The following ZMAT1 variants were observed in gnomAD, a reference collection of about 807,000 sequenced individuals.
ZMAT1 encodes the protein zinc finger matrin-type 1.
A neutral mutation model predicts 18.5 loss-of-function variants in ZMAT1; 11 were observed. The ratio of observed to expected loss-of-function variants is 0.59; its 90% CI spans 0.37 to 0.98. The LOEUF is 0.98. ZMAT1 is among the 50% of genes least tolerant of loss of function. ZMAT1 has a pLI of 0.01. For missense variants in ZMAT1, 525 were observed against 496.2 expected (o/e 1.06, Z -0.55); for synonymous variants, 211 against 176.4 (o/e 1.20, Z -1.55).
At chrX:101,902,672 C>T (rs758852989) in intron 2 of ZMAT1, among the ~76,000 whole-genome samples, 8 of 111,306 alleles carry the variant, frequency 7.2e-5, no homozygotes, top group Non-Finnish European at 1.5e-4. Flanking sequence ...TGTTGTCACC[C>T]TCCATACACG....
intron 2 of ZMAT1, among the ~76,000 whole-genome samples, chrX:101,901,526 C>A (rs1392270756): frequency 9.0e-6 from 1 of 111,303 alleles, no homozygotes; most frequent in Non-Finnish European, 1.9e-5. Context: ...ATAATCGAAA[C>A]CCATACCCAC....
intron 1 of ZMAT1, among the ~76,000 whole-genome samples, chrX:101,931,305 C>A (rs781782654): frequency 1.8e-5 from 2 of 112,048 alleles, no homozygotes; most frequent in Non-Finnish European, 3.8e-5. Flanking sequence ...CATCGGTCCC[C>A]GTTCCCTTAT....
intron 1 of ZMAT1, chrX:101,918,622 G>C (rs1200588341): frequency 9.3e-6 from 1 of 107,750 alleles, no homozygotes; most frequent in Non-Finnish European, 1.9e-5. Context: ...TGGTGACAGA[G>C]CAAGACTCCA....
At chrX:101,922,850 G>A (rs1262382389) in intron 1 of ZMAT1, among the ~76,000 whole-genome samples, 4 of 111,894 alleles carry the variant, frequency 3.6e-5, no homozygotes, top group Non-Finnish European at 7.5e-5. Context: ...TCTGGAAGTC[G>A]AGAGGAAACT....
At chrX:101,903,416 T>C (rs1228750161) in intron 2 of ZMAT1, among the ~76,000 whole-genome samples, 1 of 111,896 alleles carries the variant, frequency 8.9e-6, no homozygotes, top group African/African-American at 3.3e-5. Context: ...GTAAATTAAT[T>C]TCAACCAACA....
chrX:101,916,166 C>T (rs1365181078), intron 1 of ZMAT1, among the ~76,000 whole-genome samples: 2 of 108,065 alleles, frequency 1.9e-5, no homozygotes, highest in Non-Finnish European at 3.8e-5. Flanking sequence ...CCGCATTTCT[C>T]ACTCATAAGT....
At chrX:101,926,332 C>G (rs1209615821) in intron 1 of ZMAT1, among the ~76,000 whole-genome samples, 1 of 112,044 alleles carries the variant, frequency 8.9e-6, no homozygotes, top group Admixed American at 9.5e-5. Flanking sequence ...TTTTTAGCTA[C>G]TTTTGTTGGA....
At chrX:101,896,418 T>C (rs1321274839) in intron 4 of ZMAT1, among the ~76,000 whole-genome samples, 1 of 112,167 alleles carries the variant, frequency 8.9e-6, no homozygotes, top group Non-Finnish European at 1.9e-5. Context: ...ATAAAGCTTT[T>C]ATAAGATGTT....
At chrX:101,887,191 C>T in intron 4 of ZMAT1, 1 of 738,157 alleles carries the variant, frequency 1.4e-6, no homozygotes, top group African/African-American at 2.3e-5. Context: ...ATTTTTTACT[C>T]TCTTACCTGA....
intron 1 of ZMAT1, among the ~76,000 whole-genome samples, chrX:101,914,017 C>T (rs1929134781): frequency 9.0e-6 from 1 of 111,417 alleles, no homozygotes; most frequent in African/African-American, 3.3e-5. Context: ...TGGAATAAAA[C>T]TAGAAATCAA....
Position 101,883,406 on chromosome X carries a change from G to T in ZMAT1, c.*104C>A, listed in dbSNP as rs1603271208. Reference sequence around the variant, plus strand: ...AACCTAAGTGTCCTGAAGTGACACTGACTGTATCTACCTCTCCTTTTCTTC... The same window carrying T: ...AACCTAAGTGTCCTGAAGTGACACTTACTGTATCTACCTCTCCTTTTCTTC... On this transcript the variant is annotated 3_prime_UTR_variant, in exon 6 of 6. Transcript: ENST00000651725. The T allele has an allele frequency of 1.6e-6, 1 of 614,563 alleles. No individual in the cohort carries two copies. The highest frequency in any genetic ancestry group is 4.5e-5 in the South Asian group (1 of 22,088). The allele number at this position is 614,563 out of a possible 1,213,427, so 50.6% of individuals were successfully genotyped here. A position where few individuals can be genotyped will look rare whatever the true frequency, so the allele number is the denominator to read the frequency against.
rs987156974 is a variant in ZMAT1 at position 101,928,306 on chromosome X, G to A, written c.292+3411C>T. ...GTGCCTGGCACACACACATAGAAGTGTTCAATAAATGATTCCTGAATACAT... is the reference window on the plus strand; with the variant it reads ...GTGCCTGGCACACACACATAGAAGTATTCAATAAATGATTCCTGAATACAT... On this transcript the variant is annotated intron_variant, in intron 1 of 5. Coordinates refer to ENST00000651725, the MANE Select transcript of ZMAT1 (RefSeq NM_001394560.1). Among the ~76,000 whole-genome samples, 10 of 112,510 alleles carry A rather than the reference G, an allele frequency of 8.9e-5. No individual in the cohort carries two copies. The Admixed American group carries it at 9.4e-4, about 11-fold the overall frequency.
intron 1 of ZMAT1, among the ~76,000 whole-genome samples, chrX:101,916,182 T>G (rs905959242): frequency 1.9e-5 from 2 of 105,798 alleles, no homozygotes; most frequent in African/African-American, 6.8e-5. Context: ...TAAGTGGGAG[T>G]TGAATAATGA....
intron 4 of ZMAT1, among the ~76,000 whole-genome samples, chrX:101,890,855 G>A (rs1338494206): frequency 9.0e-6 from 1 of 111,199 alleles, no homozygotes; most frequent in African/African-American, 3.3e-5. Context: ...AAGCATAGAC[G>A]TGCTTACAGG....
chrX:101,901,705 C>T (rs1280493847), intron 2 of ZMAT1, among the ~76,000 whole-genome samples: 1 of 111,357 alleles, frequency 9.0e-6, no homozygotes, highest in Non-Finnish European at 1.9e-5. Flanking sequence ...ACTACACATA[C>T]ATATCCATAA....
At chrX:101,915,037 T>C (rs1054742805) in intron 1 of ZMAT1, among the ~76,000 whole-genome samples, 3 of 110,973 alleles carry the variant, frequency 2.7e-5, no homozygotes, top group African/African-American at 9.8e-5. Flanking sequence ...GTTCAACATA[T>C]ACAAATTAAT....
At chrX:101,924,356 C>CTCA (rs1414887759) in intron 1 of ZMAT1, among the ~76,000 whole-genome samples, 1 of 111,995 alleles carries the variant, frequency 8.9e-6, no homozygotes, top group Non-Finnish European at 1.9e-5. Flanking sequence ...AGGTGATCCA[C>CTCA]TCATCTCGGC....
chrX:101,900,167 ATTTG>A (rs1193417749), intron 2 of ZMAT1, among the ~76,000 whole-genome samples: 1 of 110,807 alleles, frequency 9.0e-6, no homozygotes, highest in African/African-American at 3.3e-5. Flanking sequence ...TTTCTTACTG[ATTTG>A]TTTGAGTTTG....
intron 1 of ZMAT1, among the ~76,000 whole-genome samples, chrX:101,922,069 C>T (rs1186786397): frequency 9.0e-6 from 1 of 111,350 alleles, no homozygotes; most frequent in Non-Finnish European, 1.9e-5. Flanking sequence ...TAGAGTCAAA[C>T]AACCATTTCC....
Sources: gnomAD v4.1 joint callset for allele counts (sites outside exome capture counted in the v4.1 genomes callset) on GRCh38, gnomAD v4.1.1 for gene constraint, MANE v1.5 for transcripts, NCBI Gene and HGNC (gene_info 2026-07-23, HGNC 2026-07-21) for gene names.